The following PLCH1 variants were observed in gnomAD, a reference collection of about 807,000 sequenced individuals.
PLCH1 encodes the protein 1-phosphatidylinositol 4,5-bisphosphate phosphodiesterase eta-1.
PLCH1 carries 60 observed loss-of-function variants against 126.7 expected under a neutral mutation model. The ratio of observed to expected loss-of-function variants is 0.47; its 90% confidence interval spans 0.38 to 0.59. The LOEUF (loss-of-function observed/expected upper bound fraction) is 0.59. Ranked by LOEUF, PLCH1 falls within the 20% of genes least tolerant of loss-of-function variation. The probability of loss-of-function intolerance (pLI) is 0.00; values close to 1 mark genes in which losing one functional copy is unlikely to be tolerated. For missense variants in PLCH1, 1,723 were observed against 2,040.0 expected (o/e 0.84, Z 2.99); for synonymous variants, 719 against 734.9 (o/e 0.98, Z 0.35).
At position 155,504,612 on chromosome 3, in the gene PLCH1, C is replaced by T; in HGVS notation, c.1647G>A (p.Lys549=). Reference sequence around the variant, plus strand: ...GTCCATGTGATTTCTTTCCACTTTCCTTTACATCTGGACTCTGAATAAATA... The same window carrying T: ...GTCCATGTGATTTCTTTCCACTTTCTTTTACATCTGGACTCTGAATAAATA... The part of the protein sequence containing the change: ...NAHLKQSPDV[K]ESGKKSHGRS... The change falls in exon 13 of 23, where the codon AAG becomes AAA. Residue 549 remains lysine, a synonymous_variant. Coordinates refer to ENST00000460012, the MANE Select transcript of PLCH1 (RefSeq NM_014996.4). 1 of 1,604,116 alleles carries T rather than the reference C, an allele frequency of 6.2e-7. No homozygotes were observed. Among genetic ancestry groups the T allele is most frequent in the Non-Finnish European group, 8.5e-7 (1 of 1,170,976 alleles).
intron 13 of PLCH1, among the ~76,000 whole-genome samples, chr3:155,502,341 C>T (rs189887111): frequency 9.9e-5 from 15 of 152,202 alleles, no homozygotes. Flanking sequence ...CATTACCTTT[C>T]CATTTAAAAT....
rs116235526 is a variant in PLCH1, at chr3:155,737,002, G to T, written c.-41+7838C>A. Among the ~76,000 whole-genome samples the T allele has an allele frequency of 7.1e-3, 1,082 of 152,084 alleles. 15 individuals carry two copies. The highest frequency in any genetic ancestry group is 0.025 in the African/African-American group (1,040 of 41,504). ...CTCAGCACTTTGGGAGGCCGAAGCG[G>T]CTGGATTGCCTGAGCTCAGGAGTTC... On this transcript the variant is annotated intron_variant, in intron 1 of 22. Coordinates refer to ENST00000460012, the MANE Select transcript of PLCH1 (RefSeq NM_014996.4).
intron 4 of PLCH1, among the ~76,000 whole-genome samples, chr3:155,590,701 G>C (rs564944622): frequency 6.6e-6 from 1 of 152,180 alleles, no homozygotes; most frequent in South Asian, 2.1e-4. Context: ...AGTGAGCCAA[G>C]ATCACACCAC....
At chr3:155,627,077 G>A (rs1336727703) in intron 2 of PLCH1, among the ~76,000 whole-genome samples, 10 of 152,294 alleles carry the variant, frequency 6.6e-5, no homozygotes, top group African/African-American at 2.2e-4. Flanking sequence ...AATGTCACAT[G>A]ATATGCAAAA....
intron 2 of PLCH1, among the ~76,000 whole-genome samples, chr3:155,616,295 A>G (rs1335935544): frequency 6.6e-6 from 1 of 152,258 alleles, no homozygotes; most frequent in Non-Finnish European, 1.5e-5. Context: ...ATAGAAAAGA[A>G]TAAAACTGAA....
chr3:155,473,978 A>T (rs2107985979), intron 21 of PLCH1, among the ~76,000 whole-genome samples: 1 of 151,172 alleles, frequency 6.6e-6, no homozygotes, highest in East Asian at 1.9e-4. Flanking sequence ...AAACCCTAGA[A>T]GAAAACCTAG....
intron 1 of PLCH1, among the ~76,000 whole-genome samples, chr3:155,713,540 G>T (rs1747296274): frequency 6.6e-6 from 1 of 152,222 alleles, no homozygotes; most frequent in Admixed American, 6.5e-5. Flanking sequence ...AGCATTTGGA[G>T]AATGTTGGAA....
chr3:155,487,129 A>G (rs1715357164), intron 21 of PLCH1: 1 of 152,196 alleles, frequency 6.6e-6, no homozygotes, highest in Non-Finnish European at 1.5e-5. Context: ...TCATGCTGAA[A>G]TGGTCCATTC....
intron 21 of PLCH1, among the ~76,000 whole-genome samples, chr3:155,465,874 G>A (rs1438108768): frequency 6.6e-6 from 1 of 152,174 alleles, no homozygotes; most frequent in African/African-American, 2.4e-5. Context: ...GGTGGCAGTG[G>A]CTACAAGGTG....
At position 155,483,011 on chromosome 3, in the gene PLCH1, T is replaced by C; in HGVS notation, c.3015A>G (p.Ile1005Met). The C allele has an allele frequency of 3.1e-6, 5 of 1,613,966 alleles. No individual in the cohort carries two copies. The South Asian group carries it at 3.3e-5, about 11-fold the overall frequency. The change falls in exon 23 of 23, where the codon ATA becomes ATG. Residue 1005 changes from isoleucine (I) to methionine (M), a missense_variant. Physicochemically the swap from Ile to Met is conservative, Grantham distance 10. Transcript: ENST00000460012. ...KDGRRKGKAS[I>M]KDPHFLNFNK... ...TGAAATTTAGAAAATGTGGATCTTT[T>C]ATACTTGCTTTCCCTTTTCTTCTGC...
At chr3:155,544,094 A>G (rs986289347) in intron 10 of PLCH1, among the ~76,000 whole-genome samples, 2 of 151,896 alleles carry the variant, frequency 1.3e-5, no homozygotes, top group South Asian at 2.1e-4. Flanking sequence ...AGACTGGCAA[A>G]TTGGATAAAC....
chr3:155,495,198 G>A (rs1716855018), intron 15 of PLCH1, among the ~76,000 whole-genome samples: 1 of 152,024 alleles, frequency 6.6e-6, no homozygotes, highest in South Asian at 2.1e-4. Flanking sequence ...TATAAACTAT[G>A]GAACAAAGTA....
At chr3:155,548,294 C>T (rs1465223072) in intron 10 of PLCH1, among the ~76,000 whole-genome samples, 1 of 152,180 alleles carries the variant, frequency 6.6e-6, no homozygotes, top group Non-Finnish European at 1.5e-5. Context: ...TTGCGCTGGT[C>T]CGCAGATCCA....
chr3:155,512,676 T>G (rs1258429858), intron 12 of PLCH1, among the ~76,000 whole-genome samples: 1 of 152,144 alleles, frequency 6.6e-6, no homozygotes, highest in Admixed American at 6.5e-5. Context: ...ACGTGTGGAC[T>G]CCTACACATG....
intron 2 of PLCH1, among the ~76,000 whole-genome samples, chr3:155,642,131 G>GA (rs1470187194): frequency 1.3e-5 from 2 of 152,100 alleles, no homozygotes; most frequent in Non-Finnish European, 2.9e-5. Context: ...ACCCTATGAG[G>GA]TATGTGCTAT....
chr3:155,649,835 A>G (rs898940531), intron 2 of PLCH1, among the ~76,000 whole-genome samples: 1 of 152,052 alleles, frequency 6.6e-6, no homozygotes, highest in Admixed American at 6.5e-5. Flanking sequence ...AAAATTAGCC[A>G]GGCGCGGTGA....
intron 2 of PLCH1, among the ~76,000 whole-genome samples, chr3:155,612,309 A>G (rs1256690017): frequency 6.6e-6 from 1 of 151,482 alleles, no homozygotes; most frequent in Admixed American, 6.6e-5. Context: ...AGCCTAGGCA[A>G]CAAGAGTGAA....
chr3:155,495,620 T>G (rs144721575), intron 15 of PLCH1, among the ~76,000 whole-genome samples: 2 of 152,316 alleles, frequency 1.3e-5, no homozygotes, highest in East Asian at 3.9e-4. Flanking sequence ...CAGCTGGGCC[T>G]GAGTCATATC....
chr3:155,711,132 A>G (rs1747098069), intron 1 of PLCH1, among the ~76,000 whole-genome samples: 1 of 152,168 alleles, frequency 6.6e-6, no homozygotes, highest in Non-Finnish European at 1.5e-5. Context: ...ACTCAAAGAC[A>G]CCAAACACAA....
Sources: allele counts gnomAD v4.1 joint callset (sites outside exome capture counted in the v4.1 genomes callset), GRCh38; gene constraint gnomAD v4.1.1; transcripts MANE v1.5; gene names NCBI Gene and HGNC (gene_info 2026-07-23, HGNC 2026-07-21).